The following EIF2AK3 variants were observed in gnomAD, a reference collection of about 807,000 sequenced individuals.
EIF2AK3 encodes eukaryotic translation initiation factor 2 alpha kinase 3.
A neutral mutation model predicts 113.5 loss-of-function variants in EIF2AK3; 50 were observed. That is an observed-to-expected ratio of 0.44 (90% CI 0.35 to 0.56). EIF2AK3 has a LOEUF of 0.56. Ranked by LOEUF, EIF2AK3 falls within the 20% of genes least tolerant of loss-of-function variation. The pLI is 0.00. For synonymous variants in EIF2AK3, 448 were observed against 495.4 expected, an observed-to-expected ratio of 0.90 and a Z score of 1.27; for missense variants, 1,185 against 1,378.0, an observed-to-expected ratio of 0.86 and a Z score of 2.22.
At chr2:88,583,295 C>T in intron 10 of EIF2AK3, 135 bp downstream of exon 10, 9 of 651,962 alleles carry the variant, frequency 1.4e-5, no homozygotes, top group South Asian at 5.9e-5. Context: ...TTTAAGTTAC[C>T]TGAATTTATT....
chr2:88,602,883 G>C (rs1022736672), intron 2 of EIF2AK3, among the ~76,000 whole-genome samples: 3 of 151,408 alleles, frequency 2.0e-5, no homozygotes, highest in African/African-American at 7.3e-5. Context: ...TGGGTTCATA[G>C]GTAAAGCAAA....
In EIF2AK3 at chr2:88,593,313, T is replaced by C. The variant is rs1674930752; in HGVS notation, c.726A>G (p.Gln242=). Residue 242 remains glutamine, a synonymous_variant, in exon 4 of 17, where the codon CAA becomes CAG. Transcript: ENST00000303236. ...EEDILLLQRT[Q]KTVRAVGPRS... ...GAGGTCCGACAGCTCTAACAGTTTT[T>C]TGGGTACGCTGTAGAAGCAGGATGT... 3 of 1,613,996 alleles carry C rather than the reference T, an allele frequency of 1.9e-6. No homozygotes were observed. The highest frequency in any genetic ancestry group is 2.7e-5 in the African/African-American group (2 of 74,910).
intron 13 of EIF2AK3, among the ~76,000 whole-genome samples, 175 bp from the exon 14 acceptor site, chr2:88,571,216 T>A (rs1674300099): frequency 6.6e-6 from 1 of 152,222 alleles, no homozygotes. Context: ...GCCAGACAAG[T>A]ACTGCTAGTA....
chr2:88,593,405 C>A lies in EIF2AK3; in HGVS notation c.634G>T (p.Val212Leu), dbSNP rs745376249. The A allele has an allele frequency of 2.5e-6, 4 of 1,613,424 alleles. No individual in the cohort carries two copies. In the South Asian group the frequency reaches 4.4e-5, roughly 18 times the overall value. ...TYGLSAYSGKVRYICSALGCR... is the reference protein window; with the variant it reads ...TYGLSAYSGKLRYICSALGCR... ...CCCAGAGCTGAACAGATATACCTCA[C>A]CTGAAAAGACAAAATTAGATACAAA... Residue 212 changes from valine (V) to leucine (L), a missense_variant and splice_region_variant, in exon 4 of 17, where the codon GTG (valine) becomes TTG (leucine). Val to Leu is a conservative substitution (Grantham distance 32). Around this residue, in one of 3 missense-constraint regions of EIF2AK3, gnomAD observed 119 missense variants for 178.7 expected, o/e 0.67. Transcript: ENST00000303236.
At chr2:88,599,576 C>G (rs537672051) in intron 2 of EIF2AK3, among the ~76,000 whole-genome samples, 27 of 151,650 alleles carry the variant, frequency 1.8e-4, no homozygotes, top group African/African-American at 6.5e-4. Flanking sequence ...TACCAGAACA[C>G]TAGATTCAAA....
At chr2:88,561,951 C>A (rs537196355) in intron 15 of EIF2AK3, among the ~76,000 whole-genome samples, 2 of 152,286 alleles carry the variant, frequency 1.3e-5, no homozygotes, top group East Asian at 3.9e-4. Flanking sequence ...GCTTAATCTG[C>A]CAGCTTTTAA....
intron 2 of EIF2AK3, chr2:88,595,986 T>A: frequency 2.5e-6 from 1 of 394,400 alleles, no homozygotes; most frequent in Non-Finnish European, 4.7e-6. Context: ...AGTTTTATGA[T>A]CAAGTGAGTT....
At chr2:88,584,005 G>C (rs1345198201) in intron 9 of EIF2AK3, among the ~76,000 whole-genome samples, 1 of 152,194 alleles carries the variant, frequency 6.6e-6, no homozygotes, top group Non-Finnish European at 1.5e-5. Context: ...TTTAAGAACA[G>C]GAAATTAAAT....
At chr2:88,621,790 T>C (rs906444109) in intron 1 of EIF2AK3, among the ~76,000 whole-genome samples, 4 of 152,166 alleles carry the variant, frequency 2.6e-5, no homozygotes, top group Non-Finnish European at 1.5e-5. Flanking sequence ...CTTAAAGACA[T>C]ACAATCTAAG....
intron 2 of EIF2AK3, among the ~76,000 whole-genome samples, chr2:88,613,329 G>A (rs1436439396): frequency 1.3e-5 from 2 of 152,176 alleles, no homozygotes; most frequent in African/African-American, 4.8e-5. Context: ...AATAATTTAT[G>A]GGATTTTGCA....
chr2:88,615,086 T>A (rs1190599234), intron 1 of EIF2AK3, among the ~76,000 whole-genome samples: 1 of 152,154 alleles, frequency 6.6e-6, no homozygotes. Context: ...TGCTTCCTAT[T>A]TCATAGGGAA....
intron 1 of EIF2AK3, among the ~76,000 whole-genome samples, chr2:88,619,642 T>G (rs1475614111): frequency 1.3e-5 from 2 of 152,228 alleles, no homozygotes; most frequent in Non-Finnish European, 2.9e-5. Context: ...CTCTTAATTC[T>G]ATTTCTGAAG....
At chr2:88,572,838 GAATA>G (rs908326037) in intron 13 of EIF2AK3, among the ~76,000 whole-genome samples, 4 of 152,156 alleles carry the variant, frequency 2.6e-5, no homozygotes, top group African/African-American at 9.7e-5. Flanking sequence ...AGAAACCACA[GAATA>G]AATAATCCAG....
rs182627176 is a variant in EIF2AK3 at position 88,593,121 on chromosome 2, G to A, written c.767+151C>T. The A allele has an allele frequency of 1.2e-3, 1,032 of 874,246 alleles. 1 individual carries two copies. The highest frequency in any genetic ancestry group is 1.4e-3 in the Non-Finnish European group (824 of 594,420). 54.2% of individuals were successfully genotyped at this position (874,246 alleles called of 1,614,324 possible). On this transcript the variant is annotated intron_variant, in intron 4 of 16. Transcript: ENST00000303236. The stretch of plus-strand genomic sequence containing the variant: ...CACGCCACTGTACTCAAGCCTGGGC[G>A]ACAGAGCAAGACTCCGTATCAAAAA...
Position 88,586,058 on chromosome 2 carries a change from T to C in EIF2AK3, c.1433A>G (p.Asn478Ser), listed in dbSNP as rs745450434. ...CTTGTAGTATGGTAGATAATAACCATTATCTTCAAATAGAAACATTAAAAC... is the reference window on the plus strand; with the variant it reads ...CTTGTAGTATGGTAGATAATAACCACTATCTTCAAATAGAAACATTAAAAC... ...ALSILQYPYD[N>S]GYYLPYYKRE... The change falls in exon 9 of 17, where the codon AAT becomes AGT. Residue 478 changes from asparagine to serine, a missense_variant. Asn to Ser is a conservative substitution (Grantham distance 46, BLOSUM62 1). This residue lies in a region of EIF2AK3 where 877 missense variants were observed against 1,024.2 expected (regional missense o/e 0.86). Transcript: ENST00000303236. The C allele has an allele frequency of 2.5e-6, 4 of 1,613,264 alleles. No homozygotes were observed. The highest frequency in any genetic ancestry group is 2.7e-5 in the African/African-American group (2 of 74,882).
intron 12 of EIF2AK3, 65 bp downstream of exon 12, chr2:88,576,489 A>G: frequency 6.2e-7 from 1 of 1,605,428 alleles, no homozygotes; most frequent in Non-Finnish European, 8.5e-7. Flanking sequence ...TAAAGTTATA[A>G]AACTGACATT....
At chr2:88,624,158 A>T (rs2103986694) in intron 1 of EIF2AK3, among the ~76,000 whole-genome samples, 1 of 152,048 alleles carries the variant, frequency 6.6e-6, no homozygotes, top group Admixed American at 6.5e-5. Context: ...TGCCTGGCTA[A>T]TTTTTTGTAT....
In EIF2AK3 at chr2:88,585,869, C is replaced by A. The variant is rs758957898; in HGVS notation, c.1622G>T (p.Arg541Leu). 2.5e-6 allele frequency: 4 copies of A among 1,613,794 alleles called. No homozygotes were observed. In the African/African-American group the frequency reaches 4.0e-5, roughly 16 times the overall value. Reference protein sequence around the residue: ...FCIIATTFIVRRLFHPHPHRQ... With the variant: ...FCIIATTFIVLRLFHPHPHRQ... Reference sequence around the variant, plus strand: ...GTGAGGATGAGGATGGAAAAGCCTGCGCACAATAAACGTTGTTGCTATGAT... The same window carrying A: ...GTGAGGATGAGGATGGAAAAGCCTGAGCACAATAAACGTTGTTGCTATGAT... The change falls in exon 9 of 17, where the codon CGC (arginine) becomes CTC (leucine). Residue 541 changes from arginine (R) to leucine (L), a missense_variant. Transcript: ENST00000303236.
At chr2:88,561,833 T>C (rs1367675208) in intron 15 of EIF2AK3, among the ~76,000 whole-genome samples, 4 of 152,126 alleles carry the variant, frequency 2.6e-5, no homozygotes, top group African/African-American at 9.7e-5. Flanking sequence ...CACTCCAGCC[T>C]GAGCGACAGA....
Sources: gnomAD v4.1 joint callset for allele counts (sites outside exome capture counted in the v4.1 genomes callset) on GRCh38, gnomAD v4.1.1 for gene constraint, gnomAD v4.1.1 regional missense constraint, MANE v1.5 for transcripts, NCBI Gene and HGNC (gene_info 2026-07-23, HGNC 2026-07-21) for gene names.